PCMT1: variants seen among roughly 807,000 people sequenced by gnomAD.
PCMT1 encodes protein-L-isoaspartate(D-aspartate) O-methyltransferase.
Under a neutral mutation model 29.2 loss-of-function variants are expected in PCMT1, and 9 were observed. That is an observed-to-expected ratio of 0.31 (90% CI 0.19 to 0.54). The LOEUF is 0.54. Among genes scored for constraint, PCMT1 ranks in the 20% least tolerant of loss-of-function variants. PCMT1 has a pLI of 0.95. For missense variants in PCMT1, 184 were observed against 282.2 expected, an observed-to-expected ratio of 0.65 and a Z score of 2.49; for synonymous variants, 98 against 97.5, an observed-to-expected ratio of 1.00 and a Z score of -0.03.
chr6:149,802,995 G>GT (rs1478394067), intron 7 of PCMT1, among the ~76,000 whole-genome samples: 1 of 148,452 alleles, frequency 6.7e-6, no homozygotes, highest in African/African-American at 2.5e-5. Flanking sequence ...GGAGGTTGCA[G>GT]TGGGCCGAGA....
intron 1 of PCMT1, among the ~76,000 whole-genome samples, chr6:149,757,986 G>A (rs2115202784): frequency 6.6e-6 from 1 of 152,092 alleles, no homozygotes; most frequent in East Asian, 1.9e-4. Context: ...CGGTTTAAGT[G>A]ATTCTCGTGT....
At chr6:149,793,304 T>C (rs1039638504) in intron 4 of PCMT1, among the ~76,000 whole-genome samples, 3 of 152,194 alleles carry the variant, frequency 2.0e-5, no homozygotes, top group Admixed American at 1.3e-4. Context: ...AGTTCTAGAT[T>C]TAATCTAAGA....
At chr6:149,803,241 C>A (rs886089120) in intron 7 of PCMT1, among the ~76,000 whole-genome samples, 2 of 152,092 alleles carry the variant, frequency 1.3e-5, no homozygotes, top group African/African-American at 4.8e-5. Flanking sequence ...AGATACCTGA[C>A]AGCCCATGCC....
chr6:149,750,222 C>G, intron 1 of PCMT1: 1 of 548,066 alleles, frequency 1.8e-6, no homozygotes, highest in South Asian at 2.4e-5. Context: ...CCCTGCAGGC[C>G]CTGGGGGAGG....
rs1182109056 is a variant in PCMT1 at position 149,786,205 on chromosome 6, CG to C, written c.193-3742del. 7.5e-5 allele frequency among the ~76,000 whole-genome samples: 8 copies of C among 106,800 alleles called. 1 individual carries two copies. Among genetic ancestry groups the C allele is most frequent in the Non-Finnish European group, 1.1e-4 (6 of 55,240 alleles). The allele number at this position is 106,800 out of a possible 152,430, so 70.1% of individuals were successfully genotyped here. A position where few individuals can be genotyped will look rare whatever the true frequency, so the allele number is the denominator to read the frequency against. ...CTCCCAGACGGGGCGGCTGGCCGGG[CG>C]GGGGGGCTGACCCCCCCACCTCCCT... On this transcript the variant is annotated intron_variant, in intron 3 of 7. Coordinates refer to ENST00000464889, the MANE Select transcript of PCMT1 (RefSeq NM_001360452.2).
chr6:149,750,254 GC>G (rs2115182955), intron 1 of PCMT1: 1 of 413,544 alleles, frequency 2.4e-6, no homozygotes, highest in East Asian at 4.0e-5. Context: ...AGGTGATGCT[GC>G]TGTCACTCAG....
chr6:149,796,304 A>T, intron 5 of PCMT1, 111 bp from the exon 6 acceptor site: 2 of 592,234 alleles, frequency 3.4e-6, no homozygotes. Flanking sequence ...TTGTCCCAGG[A>T]TCATTTATTG....
chr6:149,757,748 G>C (rs1786566481), intron 1 of PCMT1, among the ~76,000 whole-genome samples: 1 of 152,172 alleles, frequency 6.6e-6, no homozygotes, highest in Non-Finnish European at 1.5e-5. Flanking sequence ...CCATTTCACT[G>C]TAAGGGATAT....
At chr6:149,755,767 T>C (rs1465798784) in intron 1 of PCMT1, among the ~76,000 whole-genome samples, 1 of 152,162 alleles carries the variant, frequency 6.6e-6, no homozygotes, top group Non-Finnish European at 1.5e-5. Flanking sequence ...AAAACAAACA[T>C]CCACTCCCTC....
chr6:149,754,248 G>A (rs1464412023), intron 1 of PCMT1, among the ~76,000 whole-genome samples: 1 of 152,064 alleles, frequency 6.6e-6, no homozygotes, highest in East Asian at 1.9e-4. Context: ...ATAACCACAT[G>A]TATCCAGTAG....
intron 6 of PCMT1, among the ~76,000 whole-genome samples, chr6:149,800,223 T>G (rs1324501344): frequency 1.3e-5 from 2 of 152,110 alleles, no homozygotes; most frequent in Non-Finnish European, 2.9e-5. Flanking sequence ...CCCAGTACTT[T>G]AAGAGGCCGA....
At chr6:149,801,774 C>G (rs551452706) in intron 6 of PCMT1, among the ~76,000 whole-genome samples, 1 of 151,916 alleles carries the variant, frequency 6.6e-6, no homozygotes, top group East Asian at 2.0e-4. Context: ...AAATAAAGAA[C>G]GTTTCTGCTT....
intron 3 of PCMT1, among the ~76,000 whole-genome samples, chr6:149,775,872 C>G (rs1469977600): frequency 6.6e-5 from 10 of 151,878 alleles, no homozygotes; most frequent in Middle Eastern, 3.4e-3. Context: ...ATTGATAGTT[C>G]ATCGTGGCCA....
At chr6:149,791,577 G>T (rs1461335119) in intron 4 of PCMT1, among the ~76,000 whole-genome samples, 2 of 152,150 alleles carry the variant, frequency 1.3e-5, no homozygotes, top group Admixed American at 6.5e-5. Context: ...TGTATAATCA[G>T]CAGACTTACT....
At chr6:149,769,770 ATTTTTTTTTTTTTTT>A (rs34274281) in intron 1 of PCMT1, among the ~76,000 whole-genome samples, 2 of 99,714 alleles carry the variant, frequency 2.0e-5, no homozygotes, top group Admixed American at 1.3e-4. Flanking sequence ...AGCTAATTAA[ATTTTTTTTTTTTTTT>A]TTTTTTTTTT....
chr6:149,754,786 A>G (rs1786450075), intron 1 of PCMT1, among the ~76,000 whole-genome samples: 1 of 152,184 alleles, frequency 6.6e-6, no homozygotes, highest in African/African-American at 2.4e-5. Flanking sequence ...TATGCTGTCT[A>G]CACCTGCCCG....
intron 5 of PCMT1, 33 bp downstream of exon 5, chr6:149,793,702 G>T (rs1368860269): frequency 6.6e-7 from 1 of 1,513,422 alleles, no homozygotes; most frequent in South Asian, 1.4e-5. Flanking sequence ...AATTTCTTCA[G>T]AGGATTTTTA....
At chr6:149,773,676 G>A (rs780603326) in intron 3 of PCMT1, among the ~76,000 whole-genome samples, 3 of 152,082 alleles carry the variant, frequency 2.0e-5, no homozygotes, top group Non-Finnish European at 4.4e-5. Flanking sequence ...ACTGCGCTTG[G>A]CCCAGAAGGA....
intron 3 of PCMT1, among the ~76,000 whole-genome samples, chr6:149,776,792 TA>T (rs1159488220): frequency 2.6e-5 from 4 of 152,204 alleles, no homozygotes; most frequent in Non-Finnish European, 5.9e-5. Context: ...TGTTAGAGAT[TA>T]AAAAATTTGA....
Sources: gnomAD v4.1 joint callset for allele counts (sites outside exome capture counted in the v4.1 genomes callset) on GRCh38, gnomAD v4.1.1 for gene constraint, MANE v1.5 for transcripts, NCBI Gene and HGNC (gene_info 2026-07-23, HGNC 2026-07-21) for gene names.